The following XYLB variants were observed in gnomAD, a reference collection of about 807,000 sequenced individuals.
The protein encoded by XYLB is xylulose kinase.
A neutral mutation model predicts 78.7 loss-of-function variants in XYLB; 62 were observed. The ratio of observed to expected loss-of-function variants is 0.79; its 90% CI spans 0.64 to 0.97. XYLB has a LOEUF of 0.97. Among genes scored for constraint, XYLB ranks in the 50% least tolerant of loss-of-function variants. The pLI, the probability that XYLB is intolerant of heterozygous loss-of-function variation, is 0.00. For missense variants in XYLB, 687 were observed against 676.8 expected, an observed-to-expected ratio of 1.02 and a Z score of -0.17; for synonymous variants, 245 against 247.4, an observed-to-expected ratio of 0.99 and a Z score of 0.09.
At chr3:38,404,905 C>T (rs1024187709) in intron 18 of XYLB, among the ~76,000 whole-genome samples, 2 of 152,192 alleles carry the variant, frequency 1.3e-5, no homozygotes, top group African/African-American at 4.8e-5. Flanking sequence ...TGAGCTCCTA[C>T]TTGTGTTTAC....
At chr3:38,392,423 G>A (rs1707699000) in intron 15 of XYLB, among the ~76,000 whole-genome samples, 1 of 152,066 alleles carries the variant, frequency 6.6e-6, no homozygotes, top group Non-Finnish European at 1.5e-5. Flanking sequence ...TCAGCCTCCT[G>A]AATAACTGGG....
At chr3:38,390,831 G>A (rs895701870) in intron 15 of XYLB, among the ~76,000 whole-genome samples, 10 of 152,104 alleles carry the variant, frequency 6.6e-5, no homozygotes, top group Non-Finnish European at 8.8e-5. Context: ...TCAGTTTATT[G>A]TGAAAAATAT....
the XYLB span, among the ~76,000 whole-genome samples, chr3:38,450,559 G>A: frequency 6.6e-6 from 1 of 152,170 alleles, no homozygotes; most frequent in East Asian, 1.9e-4. Flanking sequence ...TGGGGTTTCA[G>A]ATTTTTTTTG....
intron 11 of XYLB, 91 bp downstream of exon 11, chr3:38,374,593 A>G: frequency 6.4e-7 from 1 of 1,554,822 alleles, no homozygotes; most frequent in East Asian, 2.3e-5. Flanking sequence ...TGAGACCCAG[A>G]TCCCAGGGTC....
chr3:38,384,286 G>A (rs1707284123), intron 15 of XYLB, among the ~76,000 whole-genome samples: 3 of 152,102 alleles, frequency 2.0e-5, no homozygotes, highest in African/African-American at 7.2e-5. Flanking sequence ...AGCTGGTCTC[G>A]AACTTCTGAC....
At chr3:38,406,928 G>T (rs1412889417) in intron 18 of XYLB, among the ~76,000 whole-genome samples, 1 of 151,738 alleles carries the variant, frequency 6.6e-6, no homozygotes, top group Non-Finnish European at 1.5e-5. Context: ...GAAAGTGACG[G>T]GGAGAATGGA....
chr3:38,351,476 C>T (rs1705362453), intron 2 of XYLB, among the ~76,000 whole-genome samples: 1 of 152,088 alleles, frequency 6.6e-6, no homozygotes, highest in South Asian at 2.1e-4. Flanking sequence ...TTAGTTCATT[C>T]CTTCCCCATC....
downstream of XYLB, among the ~76,000 whole-genome samples, chr3:38,419,578 T>TTATATA (rs67869604): frequency 0.02 from 1,360 of 68,248 alleles, 129 homozygotes; most frequent in African/African-American, 0.046. Flanking sequence ...TTATTTTTCT[T>TTATATA]TATATATATA....
intron 18 of XYLB, among the ~76,000 whole-genome samples, chr3:38,405,680 C>G (rs1708288894): frequency 6.6e-6 from 1 of 152,250 alleles, no homozygotes; most frequent in Admixed American, 6.5e-5. Flanking sequence ...CACTCTCACC[C>G]TAATACTGCG....
chr3:38,451,612 ACT>A, the XYLB span: 1 of 152,318 alleles, frequency 6.6e-6, no homozygotes, highest in South Asian at 2.1e-4. Flanking sequence ...TAAGAGCCAA[ACT>A]CTGTCTCAAA....
intron 17 of XYLB, among the ~76,000 whole-genome samples, chr3:38,398,176 A>G (rs917272475): frequency 6.6e-6 from 1 of 151,796 alleles, no homozygotes; most frequent in Non-Finnish European, 1.5e-5. Flanking sequence ...CCTTCTCTCA[A>G]TAATTAACCT....
chr3:38,354,031 A>G (rs1171968105), intron 2 of XYLB, among the ~76,000 whole-genome samples: 1 of 152,098 alleles, frequency 6.6e-6, no homozygotes, highest in Non-Finnish European at 1.5e-5. Context: ...ATAAGCCAGT[A>G]ACACATTGTT....
At chr3:38,426,565 T>G in the XYLB span, among the ~76,000 whole-genome samples, 1 of 152,210 alleles carries the variant, frequency 6.6e-6, no homozygotes, top group East Asian at 1.9e-4. Flanking sequence ...ATCAAGACAC[T>G]TGGAGGCTCT....
At chr3:38,378,958 G>A (rs1182107034) in intron 14 of XYLB, among the ~76,000 whole-genome samples, 1 of 151,838 alleles carries the variant, frequency 6.6e-6, no homozygotes, top group African/African-American at 2.4e-5. Context: ...ATTGAAGATT[G>A]CAGAGCTGAA....
At chr3:38,377,051 A>T in intron 14 of XYLB, 60 bp downstream of exon 14, 1 of 1,403,272 alleles carries the variant, frequency 7.1e-7, no homozygotes, top group Admixed American at 1.8e-5. Context: ...AAAATTTAAC[A>T]ATTGCCTATC....
chr3:38,417,927 C>T (rs933621272), downstream of XYLB, among the ~76,000 whole-genome samples: 2 of 150,074 alleles, frequency 1.3e-5, no homozygotes, highest in African/African-American at 4.9e-5. Context: ...CGTGGTGTCT[C>T]ATGTCTGTAA....
In XYLB at chr3:38,365,734, G is replaced by T; in HGVS notation, c.505G>T (p.Glu169Ter). The T allele has an allele frequency of 1.2e-6, 2 of 1,611,430 alleles. No individual in the cohort carries two copies. Among genetic ancestry groups the T allele is most frequent in the Non-Finnish European group, 1.7e-6 (2 of 1,178,614 alleles). Residue 169 changes from glutamate (E) to a stop codon, truncating the protein, a stop_gained and splice_region_variant, in exon 6 of 19, where the codon GAG (glutamate) becomes TAG (stop). Coordinates refer to ENST00000207870, the MANE Select transcript of XYLB (RefSeq NM_005108.4). LOFTEE classifies it high-confidence loss of function. ...CTGCCTCACGGGGTCCCGTGCCTAT[G>T]AGGTAGGCTGAGGATGCGGGGGGTG... ...LSCLTGSRAY[E>*]RFTGNQIAKI...
chr3:38,423,861 C>G (rs1265050095), downstream of XYLB, among the ~76,000 whole-genome samples: 1 of 152,222 alleles, frequency 6.6e-6, no homozygotes, highest in South Asian at 2.1e-4. Context: ...ATTCAGACTA[C>G]TACTCCTTAC....
At chr3:38,433,398 C>T in the XYLB span, among the ~76,000 whole-genome samples, 5 of 152,336 alleles carry the variant, frequency 3.3e-5, no homozygotes, top group South Asian at 8.3e-4. Context: ...ACATTTGGCT[C>T]CTCATTACTT....
Sources: gnomAD v4.1 joint callset for allele counts (sites outside exome capture counted in the v4.1 genomes callset) on GRCh38, gnomAD v4.1.1 for gene constraint, MANE v1.5 for transcripts, NCBI Gene and HGNC (gene_info 2026-07-23, HGNC 2026-07-21) for gene names.